Variants in GRIA1 observed in about 807,000 individuals in gnomAD.
GRIA1 encodes glutamate ionotropic receptor AMPA type subunit 1, also known as glutamate receptor 1.
Under a neutral mutation model 99.2 loss-of-function variants are expected in GRIA1, and 31 were observed. The ratio of observed to expected loss-of-function variants is 0.31; its 90% CI spans 0.23 to 0.42. GRIA1 has a LOEUF of 0.42. Among genes scored for constraint, GRIA1 ranks in the 10% least tolerant of loss-of-function variants. GRIA1 has a pLI of 1.00. For missense variants in GRIA1, 782 were observed against 1,157.5 expected (o/e 0.68, Z 4.71); for synonymous variants, 438 against 432.4 (o/e 1.01, Z -0.16).
chr5:153,498,769 C>G (rs1478229053), intron 2 of GRIA1, among the ~76,000 whole-genome samples: 1 of 152,054 alleles, frequency 6.6e-6, no homozygotes, highest in East Asian at 1.9e-4. Context: ...AACCCTAGGC[C>G]CACATTCCTG....
At chr5:153,636,007 C>T (rs1425210323) in intron 2 of GRIA1, among the ~76,000 whole-genome samples, 1 of 152,192 alleles carries the variant, frequency 6.6e-6, no homozygotes, top group Non-Finnish European at 1.5e-5. Flanking sequence ...GTCCCATTGA[C>T]TCTTGTACAG....
At chr5:153,593,808 G>T (rs530819610) in intron 2 of GRIA1, among the ~76,000 whole-genome samples, 2 of 152,040 alleles carry the variant, frequency 1.3e-5, no homozygotes, top group African/African-American at 4.8e-5. Context: ...AACACTTTTC[G>T]CTAGTTCAGG....
intron 11 of GRIA1, among the ~76,000 whole-genome samples, chr5:153,742,430 G>A (rs371763390): frequency 8.5e-5 from 13 of 152,184 alleles, no homozygotes; most frequent in South Asian, 2.1e-4. Flanking sequence ...ATCTTACAGC[G>A]GCTTAAAACA....
chr5:153,573,559 G>A (rs988303049), intron 2 of GRIA1, among the ~76,000 whole-genome samples: 3 of 152,106 alleles, frequency 2.0e-5, no homozygotes, highest in African/African-American at 7.2e-5. Flanking sequence ...GAGGGATCTA[G>A]TTCCAATTCT....
intron 11 of GRIA1, among the ~76,000 whole-genome samples, chr5:153,740,638 T>C (rs1002923326): frequency 6.6e-6 from 1 of 152,226 alleles, no homozygotes; most frequent in Non-Finnish European, 1.5e-5. Flanking sequence ...TCATGAAAGT[T>C]GTCCACCAGA....
intron 2 of GRIA1, among the ~76,000 whole-genome samples, chr5:153,533,070 A>G (rs1162016075): frequency 2.0e-5 from 3 of 152,170 alleles, no homozygotes; most frequent in Non-Finnish European, 4.4e-5. Flanking sequence ...TGTGCATCCA[A>G]TGATACAAAC....
At chr5:153,689,588 A>G (rs969356016) in intron 8 of GRIA1, among the ~76,000 whole-genome samples, 1 of 152,202 alleles carries the variant, frequency 6.6e-6, no homozygotes, top group African/African-American at 2.4e-5. Flanking sequence ...AAGTAAGAAT[A>G]GAAGCCAGAG....
intron 2 of GRIA1, among the ~76,000 whole-genome samples, chr5:153,628,904 T>C (rs1352653969): frequency 1.3e-5 from 2 of 152,206 alleles, no homozygotes; most frequent in African/African-American, 2.4e-5. Context: ...TAGAATTCTG[T>C]CGTGTCTACA....
At chr5:153,727,409 T>A (rs1384773577) in intron 11 of GRIA1, among the ~76,000 whole-genome samples, 6 of 152,112 alleles carry the variant, frequency 3.9e-5, no homozygotes, top group African/African-American at 1.2e-4. Context: ...GAGAAGGAAA[T>A]AAAGAGTATT....
intron 5 of GRIA1, among the ~76,000 whole-genome samples, chr5:153,670,514 G>A (rs1756083188): frequency 6.6e-6 from 1 of 152,010 alleles, no homozygotes; most frequent in South Asian, 2.1e-4. Flanking sequence ...TTGTAAATAG[G>A]CAAAGTGGCT....
chr5:153,509,725 C>T (rs912457353), intron 2 of GRIA1, among the ~76,000 whole-genome samples: 1 of 152,108 alleles, frequency 6.6e-6, no homozygotes, highest in Non-Finnish European at 1.5e-5. Context: ...TATAAAGTGG[C>T]AGTAATCATA....
At chr5:153,745,331 T>C (rs10071714) in intron 11 of GRIA1, among the ~76,000 whole-genome samples, 28,391 of 150,796 alleles carry the variant, frequency 0.19, 2,885 homozygotes, top group Middle Eastern at 0.3. Context: ...CTGACACCTA[T>C]AATCCCAGCA....
At chr5:153,658,962 T>TAAAAA (rs1561738461) in intron 5 of GRIA1, among the ~76,000 whole-genome samples, 2 of 149,920 alleles carry the variant, frequency 1.3e-5, no homozygotes, top group Admixed American at 6.6e-5. Flanking sequence ...AGGCAAGGAG[T>TAAAAA]CAAAACAAAA....
At chr5:153,726,658 C>T (rs182031517) in intron 11 of GRIA1, among the ~76,000 whole-genome samples, 97 of 152,216 alleles carry the variant, frequency 6.4e-4, no homozygotes, top group African/African-American at 2.1e-3. Context: ...ATAAATTCCT[C>T]GACACATACA....
intron 8 of GRIA1, among the ~76,000 whole-genome samples, chr5:153,687,607 G>T (rs561429057): frequency 6.6e-6 from 1 of 152,264 alleles, no homozygotes; most frequent in East Asian, 1.9e-4. Flanking sequence ...TTCTTCAGTT[G>T]CACTATCTAC....
Position 153,757,148 on chromosome 5 carries a change from A to AT in GRIA1, c.1824-7279dup, listed in dbSNP as rs199949723. 6.0e-3 allele frequency among the ~76,000 whole-genome samples: 912 copies of AT among 152,290 alleles called. 10 individuals are homozygous for AT. The highest frequency in any genetic ancestry group is 0.021 in the African/African-American group (871 of 41,546). On this transcript the variant is annotated intron_variant, in intron 11 of 15. Transcript: ENST00000285900. ...GGAACTGAAAAATACAAATTAATGA[A>AT]TTTTTTTAAATGCAATAGAAAGCAT...
chr5:153,785,359 G>C (rs1033649959), intron 13 of GRIA1, among the ~76,000 whole-genome samples: 8 of 152,056 alleles, frequency 5.3e-5, no homozygotes, highest in Non-Finnish European at 8.8e-5. Context: ...TTCCTCGAAG[G>C]CCCTTCCCCT....
At chr5:153,737,742 G>A (rs1561815556) in intron 11 of GRIA1, among the ~76,000 whole-genome samples, 1 of 152,124 alleles carries the variant, frequency 6.6e-6, no homozygotes, top group African/African-American at 2.4e-5. Context: ...CAACAACTAT[G>A]AGGCAAGCAA....
chr5:153,674,940 C>A (rs994585581), intron 6 of GRIA1, among the ~76,000 whole-genome samples: 1 of 152,094 alleles, frequency 6.6e-6, no homozygotes. Flanking sequence ...TATCAAATAC[C>A]CAGGCTTCTT....
Sources: gnomAD v4.1 joint callset for allele counts (sites outside exome capture counted in the v4.1 genomes callset) on GRCh38, gnomAD v4.1.1 for gene constraint, MANE v1.5 for transcripts, NCBI Gene and HGNC (gene_info 2026-07-23, HGNC 2026-07-21) for gene names.